Variants in LMNB2 observed in about 807,000 individuals in gnomAD.
The protein encoded by LMNB2 is lamin B2.
LMNB2 carries 17 observed loss-of-function variants against 69.3 expected under a neutral mutation model. That is an observed-to-expected ratio of 0.25 (90% CI 0.17 to 0.37). The LOEUF (loss-of-function observed/expected upper bound fraction) is 0.37, where lower values mean the gene tolerates loss of function less well. Ranked by LOEUF, LMNB2 falls within the 10% of genes least tolerant of loss-of-function variation. The probability of loss-of-function intolerance (pLI) is 1.00; values close to 1 mark genes in which losing one functional copy is unlikely to be tolerated. For synonymous variants in LMNB2, 397 were observed against 389.3 expected, an observed-to-expected ratio of 1.02 and a Z score of -0.23; for missense variants, 789 against 883.6, an observed-to-expected ratio of 0.89 and a Z score of 1.36.
intron 1 of LMNB2, among the ~76,000 whole-genome samples, chr19:2,445,983 T>C (rs1281040026): frequency 9.2e-5 from 4 of 43,670 alleles, no homozygotes; most frequent in Non-Finnish European, 8.1e-5. Flanking sequence ...CAGGGATCTG[T>C]AGTCAGAGTC....
intron 1 of LMNB2, among the ~76,000 whole-genome samples, chr19:2,455,910 C>T (rs1300735482): frequency 6.6e-6 from 1 of 151,626 alleles, no homozygotes; most frequent in African/African-American, 2.4e-5. Context: ...CCGAGCTGCA[C>T]CCCTCACTCA....
chr19:2,434,526 G>A lies in LMNB2; in HGVS notation c.982-11C>T, dbSNP rs755719235. 6.2e-7 allele frequency: 1 copy of A among 1,610,344 alleles called. No homozygotes were observed. Among genetic ancestry groups the A allele is most frequent in the Admixed American group, 1.7e-5 (1 of 59,978 alleles). ...TTCAGCGGCACTGGCCTGCGGAGGG[G>A]GCGGGTGGCGAAGGTCAGGGCAGCC... On this transcript the variant is annotated splice_polypyrimidine_tract_variant and intron_variant, in intron 6 of 11. Coordinates refer to ENST00000325327, the MANE Select transcript of LMNB2 (RefSeq NM_032737.4).
intron 1 of LMNB2, among the ~76,000 whole-genome samples, chr19:2,452,291 G>C (rs188007287): frequency 6.6e-6 from 1 of 152,154 alleles, no homozygotes; most frequent in Non-Finnish European, 1.5e-5. Flanking sequence ...CAAGTTAGCC[G>C]GGCATGGTGG....
chr19:2,449,805 G>A (rs774132523), intron 1 of LMNB2, among the ~76,000 whole-genome samples: 7 of 151,038 alleles, frequency 4.6e-5, no homozygotes, highest in Admixed American at 4.0e-4. Context: ...TCTGGGCGCC[G>A]TGGCTCACGC....
chr19:2,455,540 C>T lies in LMNB2; in HGVS notation c.264+1130G>A, dbSNP rs571642565. Among the ~76,000 whole-genome samples the T allele has an allele frequency of 2.6e-5, 4 of 152,250 alleles. No homozygotes were observed. The East Asian group carries it at 7.7e-4, about 29-fold the overall frequency. On this transcript the variant is annotated intron_variant, in intron 1 of 11. Transcript: ENST00000325327. The stretch of plus-strand genomic sequence containing the variant: ...GGTGGGGAGCCCTAGTCTGTAACCC[C>T]CATGGCCCCAAAATGCACCTCTCAC...
intron 1 of LMNB2, among the ~76,000 whole-genome samples, chr19:2,449,650 GCC>G (rs1164843824): frequency 4.0e-5 from 6 of 151,604 alleles, no homozygotes; most frequent in Admixed American, 6.6e-5. Flanking sequence ...GGTGGTAGGC[GCC>G]TGTAATCCCA....
chr19:2,435,293 T>A (rs1971808861), intron 4 of LMNB2, 122 bp from the exon 5 acceptor site: 1 of 1,379,148 alleles, frequency 7.3e-7, no homozygotes, highest in African/African-American at 1.4e-5. Flanking sequence ...TGTGCACAAG[T>A]TACAAACCGA....
chr19:2,435,914 G>A (rs1475955590), intron 4 of LMNB2, among the ~76,000 whole-genome samples: 2 of 152,222 alleles, frequency 1.3e-5, no homozygotes, highest in South Asian at 2.1e-4. Context: ...ACTTTGGGAG[G>A]CTGAGGCAGG....
At chr19:2,442,422 A>G (rs932416727) in intron 2 of LMNB2, among the ~76,000 whole-genome samples, 5 of 152,082 alleles carry the variant, frequency 3.3e-5, no homozygotes, top group African/African-American at 1.2e-4. Context: ...TAAAAAAATT[A>G]GCTGGGCAAG....
intron 1 of LMNB2, among the ~76,000 whole-genome samples, chr19:2,445,304 C>T (rs1361321704): frequency 1.3e-5 from 2 of 152,102 alleles, no homozygotes; most frequent in East Asian, 3.9e-4. Context: ...TTCTGCCAAC[C>T]GGGGGCCAGC....
rs1971930622 is a variant in LMNB2, at chr19:2,444,393, T to TG, written c.401+10dup. The stretch of plus-strand genomic sequence containing the variant: ...ATCAGGGTGACGTCGTGCCCAGCCG[T>TG]GACCACTCACCTCTTGTTGACCTCG... On this transcript the variant is annotated intron_variant, in intron 2 of 11. Coordinates refer to ENST00000325327, the MANE Select transcript of LMNB2 (RefSeq NM_032737.4). 6.2e-7 allele frequency: 1 copy of TG among 1,613,658 alleles called. No homozygotes were observed. Among genetic ancestry groups the TG allele is most frequent in the Non-Finnish European group, 8.5e-7 (1 of 1,179,996 alleles).
chr19:2,444,605 G>A, intron 1 of LMNB2, 65 bp from the exon 2 acceptor site: 1 of 1,592,930 alleles, frequency 6.3e-7, no homozygotes, highest in East Asian at 2.2e-5. Flanking sequence ...GCAGTCAGGG[G>A]GCCCGGCCAC....
At chr19:2,432,738 G>A (rs535545755) in intron 8 of LMNB2, among the ~76,000 whole-genome samples, 44 of 149,094 alleles carry the variant, frequency 3.0e-4, no homozygotes, top group African/African-American at 1.0e-3. Context: ...CCATCAGCTA[G>A]GTCACTCCAT....
chr19:2,439,180 G>A (rs951749588), intron 2 of LMNB2, among the ~76,000 whole-genome samples: 5 of 151,300 alleles, frequency 3.3e-5, no homozygotes, highest in African/African-American at 1.2e-4. Context: ...CACCGCGTAC[G>A]GCTGACTCTT....
chr19:2,444,072 G>A (rs1217975704), intron 2 of LMNB2, among the ~76,000 whole-genome samples: 9 of 152,188 alleles, frequency 5.9e-5, no homozygotes, highest in Admixed American at 1.3e-4. Flanking sequence ...GGTGCCGCCC[G>A]GGGTCTAGGT....
At chr19:2,449,291 G>A (rs904134259) in intron 1 of LMNB2, among the ~76,000 whole-genome samples, 3 of 152,190 alleles carry the variant, frequency 2.0e-5, no homozygotes, top group South Asian at 2.1e-4. Context: ...TGTGGCCTAG[G>A]AGGCCACGCC....
chr19:2,434,308 C>A lies in LMNB2; in HGVS notation c.1189G>T (p.Gly397Cys). The change falls in exon 7 of 12, where the codon GGC becomes TGC. Residue 397 changes from glycine to cysteine, a missense_variant. Coordinates refer to ENST00000325327, the MANE Select transcript of LMNB2 (RefSeq NM_032737.4). ...GGCCTGCCGCACCTCTCCTCCTCGC[C>A]CTCCAGGAGCTTCCGGTAGGCGTTG... ...EINAYRKLLEGEEERLKLSPS... is the reference protein window; with the variant it reads ...EINAYRKLLECEEERLKLSPS... 2 of 1,612,962 alleles carry A rather than the reference C, an allele frequency of 1.2e-6. No individual in the cohort carries two copies. Among genetic ancestry groups the A allele is most frequent in the South Asian group, 2.2e-5 (2 of 91,082 alleles).
At chr19:2,436,391 CA>C (rs1971821628) in intron 4 of LMNB2, among the ~76,000 whole-genome samples, 1 of 152,082 alleles carries the variant, frequency 6.6e-6, no homozygotes, top group Non-Finnish European at 1.5e-5. Flanking sequence ...AAAAACAAAA[CA>C]AAACAAAACA....
Position 2,434,829 on chromosome 19 carries a change from G to T in LMNB2, c.940C>A (p.Leu314Met), listed in dbSNP as rs1971799683. 2 of 1,608,794 alleles carry T rather than the reference G, an allele frequency of 1.2e-6. No homozygotes were observed. The highest frequency in any genetic ancestry group is 1.7e-5 in the Admixed American group (1 of 59,824). ...REELKEARMR[L>M]ESLSYQLSGL... ...GAGAGCTGGTAGCTGAGGGACTCCA[G>T]GCGCATGCGGGCCTCCTTCAGCTCC... The change falls in exon 6 of 12, where the codon CTG becomes ATG. Residue 314 changes from leucine to methionine, a missense_variant. This residue lies in a region of LMNB2 where 609 missense variants were observed against 630.9 expected (regional missense o/e 0.97). Coordinates refer to ENST00000325327, the MANE Select transcript of LMNB2 (RefSeq NM_032737.4).
Sources: gnomAD v4.1 joint callset for allele counts (sites outside exome capture counted in the v4.1 genomes callset) on GRCh38, gnomAD v4.1.1 for gene constraint, gnomAD v4.1.1 regional missense constraint, MANE v1.5 for transcripts, NCBI Gene and HGNC (gene_info 2026-07-23, HGNC 2026-07-21) for gene names.